Variants in GPC6 observed in about 807,000 individuals in gnomAD.
GPC6 encodes the protein glypican 6, also known as glypican-6.
In GPC6, 14 loss-of-function variants were observed where a neutral mutation model predicts 55.2. The ratio of observed to expected loss-of-function variants is 0.25; its 90% confidence interval spans 0.17 to 0.40. GPC6 has a LOEUF of 0.40. Among genes scored for constraint, GPC6 ranks in the 10% least tolerant of loss-of-function variants. GPC6 has a pLI of 1.00. For missense variants in GPC6, 641 were observed against 708.5 expected, an observed-to-expected ratio of 0.90 and a Z score of 1.08; for synonymous variants, 278 against 259.6, an observed-to-expected ratio of 1.07 and a Z score of -0.68.
chr13:93,489,305 G>C (rs7998238), intron 1 of GPC6, among the ~76,000 whole-genome samples: 28,945 of 151,140 alleles, frequency 0.19, 2,984 homozygotes, highest in Middle Eastern at 0.26. Context: ...ATTTCTGAGG[G>C]CTCTGTTCTG....
chr13:94,309,740 C>A (rs961814597), intron 6 of GPC6, among the ~76,000 whole-genome samples: 1 of 133,654 alleles, frequency 7.5e-6, no homozygotes, highest in Non-Finnish European at 1.6e-5. Flanking sequence ...TCCCTACCGC[C>A]AACAGCCATG....
chr13:93,227,433 C>G lies in GPC6; in HGVS notation c.-24C>G. 6.2e-7 allele frequency: 1 copy of G among 1,612,498 alleles called. No individual in the cohort carries two copies. Among genetic ancestry groups the G allele is most frequent in the Non-Finnish European group, 8.5e-7 (1 of 1,178,804 alleles). The stretch of plus-strand genomic sequence containing the variant: ...AGAGCGCACCGGCCGTGGGGTTTAC[C>G]GAGCTGGATTTGTATGTTGCACCAT... On this transcript the variant is annotated 5_prime_UTR_variant, in exon 1 of 9. Transcript: ENST00000377047. The surrounding 1 kb of genome is among the most constrained non-coding windows in gnomAD (Gnocchi z 4.3).
At chr13:94,238,267 A>G (rs1325431308) in intron 4 of GPC6, among the ~76,000 whole-genome samples, 5 of 152,192 alleles carry the variant, frequency 3.3e-5, no homozygotes, top group African/African-American at 9.6e-5. Flanking sequence ...TTGGGGAATC[A>G]TTAGCATAAA....
At chr13:94,058,466 C>G in intron 4 of GPC6, among the ~76,000 whole-genome samples, 1 of 152,180 alleles carries the variant, frequency 6.6e-6, no homozygotes, top group South Asian at 2.1e-4. Flanking sequence ...AAGCAATTGT[C>G]AGGGTCTTTT....
intron 1 of GPC6, among the ~76,000 whole-genome samples, chr13:93,481,665 G>C (rs1031417102): frequency 6.6e-6 from 1 of 151,668 alleles, no homozygotes; most frequent in East Asian, 1.9e-4. Context: ...TAGATACTCA[G>C]TTGTGGCAGA....
intron 4 of GPC6, among the ~76,000 whole-genome samples, chr13:94,259,891 CACACACACACAT>C (rs1891608134): frequency 6.6e-6 from 1 of 151,892 alleles, no homozygotes; most frequent in African/African-American, 2.4e-5. Context: ...TACACACATG[CACACACACACAT>C]ACACACACAC....
rs766805553 is a variant in GPC6 at position 93,447,729 on chromosome 13, A to T, written c.161-97534A>T. 2.0e-5 allele frequency among the ~76,000 whole-genome samples: 3 copies of T among 152,290 alleles called. No homozygotes were observed. The South Asian group carries it at 6.2e-4, about 32-fold the overall frequency. Reference sequence around the variant, plus strand: ...TATCAGATGAGTTTATGTCTTGATAACCTGGATCTTGGTTATACATTTCTC... The same window carrying T: ...TATCAGATGAGTTTATGTCTTGATATCCTGGATCTTGGTTATACATTTCTC... On this transcript the variant is annotated intron_variant, in intron 1 of 8. Coordinates refer to ENST00000377047, the MANE Select transcript of GPC6 (RefSeq NM_005708.5).
chr13:93,833,209 G>C (rs1887597470), intron 3 of GPC6, among the ~76,000 whole-genome samples: 1 of 151,186 alleles, frequency 6.6e-6, no homozygotes, highest in African/African-American at 2.4e-5. Context: ...CAATGCTTTT[G>C]TGAATAATTT....
chr13:93,714,713 G>A (rs1404802177), intron 2 of GPC6, among the ~76,000 whole-genome samples: 2 of 151,658 alleles, frequency 1.3e-5, no homozygotes, highest in Non-Finnish European at 3.0e-5. Flanking sequence ...GAAAGCCAAA[G>A]TAAAGTTTAT....
At position 93,289,696 on chromosome 13, in the gene GPC6, G is replaced by A. The variant is rs143645213; in HGVS notation, c.160+62080G>A. Among the ~76,000 whole-genome samples the A allele has an allele frequency of 8.0e-4, 122 of 152,080 alleles. 1 individual carries two copies. Among genetic ancestry groups the A allele is most frequent in the African/African-American group, 2.6e-3 (109 of 41,492 alleles). On this transcript the variant is annotated intron_variant, in intron 1 of 8. Coordinates refer to ENST00000377047, the MANE Select transcript of GPC6 (RefSeq NM_005708.5). The stretch of plus-strand genomic sequence containing the variant: ...TTAGAGGATCAAATCCTACCAAGAG[G>A]GTCAGGCACATTTTATTTTATTTTG...
At chr13:93,283,697 T>C (rs1017469582) in intron 1 of GPC6, among the ~76,000 whole-genome samples, 2 of 152,234 alleles carry the variant, frequency 1.3e-5, no homozygotes, top group Non-Finnish European at 2.9e-5. Flanking sequence ...CAGATCACTT[T>C]TGTGAATAAT....
At chr13:93,878,675 G>T (rs1470333585) in intron 3 of GPC6, among the ~76,000 whole-genome samples, 2 of 152,030 alleles carry the variant, frequency 1.3e-5, no homozygotes, top group African/African-American at 4.8e-5. Context: ...ACCGCTCCTG[G>T]CCTACCCTTC....
chr13:93,510,995 A>ATATGTATATATATATATGTG (rs1555306608), intron 1 of GPC6, among the ~76,000 whole-genome samples: 7 of 91,654 alleles, frequency 7.6e-5, no homozygotes, highest in African/African-American at 2.7e-4. Flanking sequence ...GTGTATATAT[A>ATATGTATATATATATATGTG]TATATATATA....
intron 4 of GPC6, among the ~76,000 whole-genome samples, chr13:94,264,726 C>T (rs1308307336): frequency 6.6e-6 from 1 of 152,174 alleles, no homozygotes; most frequent in East Asian, 1.9e-4. Flanking sequence ...TACATGACAA[C>T]TCATGTGTAT....
intron 4 of GPC6, among the ~76,000 whole-genome samples, chr13:94,199,039 G>C (rs1889671990): frequency 6.6e-6 from 1 of 152,094 alleles, no homozygotes; most frequent in Non-Finnish European, 1.5e-5. Flanking sequence ...GAGAGTTTAG[G>C]GCAATGGCAT....
chr13:93,931,423 T>C (rs1420082082), intron 3 of GPC6, among the ~76,000 whole-genome samples: 6 of 114,356 alleles, frequency 5.2e-5, no homozygotes, highest in African/African-American at 2.1e-4. Flanking sequence ...ACAGGGGAAA[T>C]ACCATACACA....
chr13:93,410,579 AGAT>A (rs2139244057), intron 1 of GPC6, among the ~76,000 whole-genome samples: 1 of 152,340 alleles, frequency 6.6e-6, no homozygotes, highest in South Asian at 2.1e-4. Flanking sequence ...GAGTTCTGGC[AGAT>A]GGGATACAAA....
intron 2 of GPC6, among the ~76,000 whole-genome samples, chr13:93,765,697 A>G (rs1885111493): frequency 1.3e-5 from 2 of 152,328 alleles, no homozygotes; most frequent in East Asian, 3.9e-4. Flanking sequence ...CTAAAGCTAC[A>G]GAAATACAGG....
chr13:93,565,764 A>G (rs900263468), intron 2 of GPC6, among the ~76,000 whole-genome samples: 1 of 152,012 alleles, frequency 6.6e-6, no homozygotes, highest in African/African-American at 2.4e-5. Flanking sequence ...TCTACTAAAA[A>G]TACAAAAATT....
Sources: gnomAD v4.1 joint callset for allele counts (sites outside exome capture counted in the v4.1 genomes callset) on GRCh38, gnomAD v4.1.1 for gene constraint, Gnocchi (gnomAD v3.1) non-coding constraint, MANE v1.5 for transcripts, NCBI Gene and HGNC (gene_info 2026-07-23, HGNC 2026-07-21) for gene names.